The following PAPOLA variants were observed in gnomAD, a reference collection of about 807,000 sequenced individuals.
PAPOLA encodes the protein polynucleotide adenylyltransferase alpha.
A neutral mutation model predicts 100.6 loss-of-function variants in PAPOLA; 15 were observed. The ratio of observed to expected loss-of-function variants is 0.15; its 90% confidence interval spans 0.10 to 0.23. PAPOLA has a LOEUF of 0.23. PAPOLA is among the 10% of genes least tolerant of loss of function. The pLI is 1.00. For synonymous variants in PAPOLA, 293 were observed against 300.0 expected (o/e 0.98, Z 0.24); for missense variants, 533 against 884.2 (o/e 0.60, Z 5.04).
At chr14:96,527,060 C>T (rs369706538) in intron 4 of PAPOLA, 79 of 175,564 alleles carry the variant, frequency 4.5e-4, no homozygotes, top group Admixed American at 6.6e-4. Flanking sequence ...GCACCAAATA[C>T]GTAGTACATA....
chr14:96,556,492 T>C (rs910463970), intron 19 of PAPOLA, 79 bp downstream of exon 19: 5 of 945,490 alleles, frequency 5.3e-6, no homozygotes, highest in Non-Finnish European at 8.3e-6. Context: ...GAAAAGTTTA[T>C]GAACCAAAAT....
intron 1 of PAPOLA, among the ~76,000 whole-genome samples, chr14:96,508,392 G>A (rs1333305968): frequency 1.3e-5 from 2 of 152,200 alleles, no homozygotes; most frequent in Non-Finnish European, 1.5e-5. Flanking sequence ...TGTTGATTAT[G>A]GTTTTGAGAT....
At position 96,566,479 on chromosome 14, in the gene PAPOLA, C is replaced by A. The variant is rs1267726274; in HGVS notation, c.*1429C>A. On this transcript the variant is annotated 3_prime_UTR_variant, in exon 22 of 22. Transcript: ENST00000216277. Reference sequence around the variant, plus strand: ...TTTCTGATGAGCATGTTTTATGAATCCTCCATTGTGCTCCATTCTATCACA... The same window carrying A: ...TTTCTGATGAGCATGTTTTATGAATACTCCATTGTGCTCCATTCTATCACA... 1 of 152,508 alleles carries A rather than the reference C, an allele frequency of 6.6e-6. No individual in the cohort carries two copies. The highest frequency in any genetic ancestry group is 2.4e-5 in the African/African-American group (1 of 41,410). The allele number at this position is 152,508 out of a possible 1,614,324, so 9.4% of individuals were successfully genotyped here. A position where few individuals can be genotyped will look rare whatever the true frequency, so the allele number is the denominator to read the frequency against.
chr14:96,505,997 G>A (rs927813832), intron 1 of PAPOLA, among the ~76,000 whole-genome samples: 2 of 152,090 alleles, frequency 1.3e-5, no homozygotes, highest in African/African-American at 4.8e-5. Flanking sequence ...TCCACCTCCC[G>A]GGTTCAAGCG....
At chr14:96,508,559 A>G (rs1827090962) in intron 1 of PAPOLA, among the ~76,000 whole-genome samples, 1 of 152,236 alleles carries the variant, frequency 6.6e-6, no homozygotes, top group Admixed American at 6.5e-5. Context: ...CTGGCTTGAT[A>G]ACAACTTTGA....
At chr14:96,542,191 C>T in intron 12 of PAPOLA, 52 bp from the exon 13 acceptor site, 9 of 1,137,476 alleles carry the variant, frequency 7.9e-6, no homozygotes, top group East Asian at 2.4e-5. Flanking sequence ...GTTTAATATC[C>T]AGCACAAAGC....
At chr14:96,564,853 T>C (rs1171914328) in intron 21 of PAPOLA, 102 bp from the exon 22 acceptor site, 1 of 675,078 alleles carries the variant, frequency 1.5e-6, no homozygotes, top group African/African-American at 1.8e-5. Context: ...GTAATACTTT[T>C]CTTCTTAGAA....
At chr14:96,534,881 A>G in intron 10 of PAPOLA, 2 of 1,061,458 alleles carry the variant, frequency 1.9e-6, no homozygotes, top group Non-Finnish European at 2.3e-6. Context: ...AAATAAAAGG[A>G]TACTAAAAAT....
chr14:96,533,367 T>G, intron 9 of PAPOLA: 1 of 982,056 alleles, frequency 1.0e-6, no homozygotes, highest in Non-Finnish European at 1.2e-6. Context: ...AAAAGAGATG[T>G]TCTTTTCTAG....
intron 9 of PAPOLA, chr14:96,534,211 A>AT (rs1899319609): frequency 2.4e-6 from 3 of 1,224,962 alleles, no homozygotes; most frequent in Admixed American, 4.0e-5. Context: ...TTATCTTGGG[A>AT]TGGTACTTCT....
chr14:96,523,945 GAAA>G (rs35388599), intron 3 of PAPOLA, among the ~76,000 whole-genome samples: 3 of 116,072 alleles, frequency 2.6e-5, no homozygotes, highest in East Asian at 2.5e-4. Context: ...CTCTGTCTCA[GAAA>G]AAAAAAAAAA....
rs182236944 is a variant in PAPOLA at position 96,509,738 on chromosome 14, G to A, written c.8+7138G>A. ...ACTTGTAACACATTAGGAAGCATTT[G>A]TGTATCTAAATGTATGTAAACACAA... On this transcript the variant is annotated intron_variant, in intron 1 of 21. Transcript: ENST00000216277. 2.6e-4 allele frequency among the ~76,000 whole-genome samples: 39 copies of A among 152,272 alleles called. No homozygotes were observed. The East Asian group carries it at 7.3e-3, about 29-fold the overall frequency.
In PAPOLA at chr14:96,565,391, C is replaced by T. The variant is rs1902195021; in HGVS notation, c.*341C>T. 3.3e-6 allele frequency: 1 copy of T among 305,116 alleles called. No homozygotes were observed. Among genetic ancestry groups the T allele is most frequent in the Non-Finnish European group, 6.0e-6 (1 of 166,724 alleles). The allele number at this position is 305,116 out of a possible 1,614,324, so 18.9% of individuals were successfully genotyped here. On this transcript the variant is annotated 3_prime_UTR_variant, in exon 22 of 22. Transcript: ENST00000216277. ...TTGGAAAATTTGCAATACAAACTGG[C>T]ATAAGAATTACTTATTCTGATGATG...
At chr14:96,519,012 G>A (rs1032210493) in intron 1 of PAPOLA, among the ~76,000 whole-genome samples, 1 of 152,076 alleles carries the variant, frequency 6.6e-6, no homozygotes, top group Non-Finnish European at 1.5e-5. Context: ...AGCTGAGATC[G>A]TACCACTGTA....
At chr14:96,561,609 G>C (rs1901845892) in intron 20 of PAPOLA, among the ~76,000 whole-genome samples, 1 of 152,112 alleles carries the variant, frequency 6.6e-6, no homozygotes, top group Non-Finnish European at 1.5e-5. Flanking sequence ...CTTTCCTGCT[G>C]TAATATTGGT....
At chr14:96,526,018 T>G (rs1476193819) in intron 4 of PAPOLA, 1 of 152,180 alleles carries the variant, frequency 6.6e-6, no homozygotes, top group Admixed American at 6.5e-5. Flanking sequence ...CTAATACCTT[T>G]ATAGACAAAT....
At chr14:96,554,814 TAGTG>T (rs1011244614) in intron 17 of PAPOLA, among the ~76,000 whole-genome samples, 9 of 152,164 alleles carry the variant, frequency 5.9e-5, no homozygotes, top group Middle Eastern at 3.2e-3. Flanking sequence ...TGACAGGAGT[TAGTG>T]AGATTTAGAA....
intron 19 of PAPOLA, among the ~76,000 whole-genome samples, 200 bp downstream of exon 19, chr14:96,556,613 A>G (rs187344266): frequency 2.0e-5 from 3 of 152,358 alleles, no homozygotes; most frequent in Non-Finnish European, 4.4e-5. Context: ...TACCTCTGCT[A>G]TAAAGCTATG....
intron 1 of PAPOLA, among the ~76,000 whole-genome samples, chr14:96,516,213 T>C (rs1186337068): frequency 6.6e-6 from 1 of 152,264 alleles, no homozygotes; most frequent in Non-Finnish European, 1.5e-5. Flanking sequence ...GTCTAGCTCC[T>C]TAAGCTCATG....
Sources: allele counts gnomAD v4.1 joint callset (sites outside exome capture counted in the v4.1 genomes callset), GRCh38; gene constraint gnomAD v4.1.1; transcripts MANE v1.5; gene names NCBI Gene and HGNC (gene_info 2026-07-23, HGNC 2026-07-21).